The following LDLRAD4 variants were observed in gnomAD, a reference collection of about 807,000 sequenced individuals.
The protein encoded by LDLRAD4 is low density lipoprotein receptor class A domain containing 4.
LDLRAD4 carries 5 observed loss-of-function variants against 17.0 expected under a neutral mutation model. The observed-to-expected ratio is 0.29, with a 90% CI of 0.15 to 0.62. The LOEUF (loss-of-function observed/expected upper bound fraction) is 0.62, where lower values mean the gene tolerates loss of function less well. Ranked by LOEUF, LDLRAD4 falls within the 20% of genes least tolerant of loss-of-function variation. LDLRAD4 has a pLI of 0.84. For synonymous variants in LDLRAD4, 168 were observed against 171.8 expected (o/e 0.98, Z 0.17); for missense variants, 340 against 424.7 (o/e 0.80, Z 1.75).
At position 13,645,082 on chromosome 18, in the gene LDLRAD4, C is replaced by G. The variant is rs1459213335; in HGVS notation, c.391-45C>G. On this transcript the variant is annotated intron_variant, in intron 5 of 5. Coordinates refer to ENST00000359446, the Ensembl canonical transcript of LDLRAD4. This position sits in a 1 kb window ranked among gnomAD's most constrained non-coding sequence, Gnocchi z 5.7. ...TTGATTCTGACACATTTATGGTCAT[C>G]ATTGCGCTCAAACTGTCTTCAAGCC... The G allele has an allele frequency of 6.6e-7, 1 of 1,507,752 alleles. No homozygotes were observed. The highest frequency in any genetic ancestry group is 9.0e-7 in the Non-Finnish European group (1 of 1,110,290). The allele number at this position is 1,507,752 out of a possible 1,614,324, so 93.4% of individuals were successfully genotyped here.
intron 3 of LDLRAD4, among the ~76,000 whole-genome samples, chr18:13,496,752 C>G (rs2093478447): frequency 6.6e-6 from 1 of 151,962 alleles, no homozygotes; most frequent in Admixed American, 6.6e-5. Flanking sequence ...GGTGTGATTT[C>G]AAGGTTTGTG....
At chr18:13,292,109 C>A (rs2045995905) in intron 1 of LDLRAD4, among the ~76,000 whole-genome samples, 2 of 152,188 alleles carry the variant, frequency 1.3e-5, no homozygotes, top group Non-Finnish European at 2.9e-5. Flanking sequence ...TCAGAAGTTC[C>A]CTGGCCTCTA....
intron 2 of LDLRAD4, among the ~76,000 whole-genome samples, chr18:13,417,526 G>T (rs928344743): frequency 6.6e-6 from 1 of 150,778 alleles, no homozygotes; most frequent in Non-Finnish European, 1.5e-5. Context: ...TCTGCCTCCC[G>T]GGTTCACGCC....
intron 3 of LDLRAD4, among the ~76,000 whole-genome samples, chr18:13,474,942 A>G (rs1411456842): frequency 1.3e-5 from 2 of 152,122 alleles, no homozygotes; most frequent in African/African-American, 4.8e-5. Flanking sequence ...ATCTGGGGTT[A>G]AGATGGTTTA....
chr18:13,300,438 C>T lies in LDLRAD4; in HGVS notation c.-383+22250C>T, dbSNP rs10468688. Among the ~76,000 whole-genome samples the T allele has an allele frequency of 7.6e-3, 1,162 of 152,318 alleles. 21 individuals are homozygous for T. Among genetic ancestry groups the T allele is most frequent in the African/African-American group, 0.026 (1,098 of 41,580 alleles). ...TTTTTTCCCAAGGACATGACATTCGCGGGGTCAGCCATGACTGCTGCCCCA... is the reference window on the plus strand; with the variant it reads ...TTTTTTCCCAAGGACATGACATTCGTGGGGTCAGCCATGACTGCTGCCCCA... On this transcript the variant is annotated intron_variant, in intron 1 of 5. Transcript: ENST00000359446. This position sits in a 1 kb window ranked among gnomAD's most constrained non-coding sequence, Gnocchi z 4.2.
chr18:13,448,356 C>G (rs1219684479), intron 3 of LDLRAD4, among the ~76,000 whole-genome samples: 1 of 152,124 alleles, frequency 6.6e-6, no homozygotes, highest in African/African-American at 2.4e-5. Context: ...TAGAGGCTTA[C>G]CAGGCTTGCT....
intron 1 of LDLRAD4, among the ~76,000 whole-genome samples, chr18:13,293,284 G>A (rs899316783): frequency 2.6e-5 from 4 of 152,198 alleles, no homozygotes; most frequent in African/African-American, 9.7e-5. Context: ...GGTTGCTGCT[G>A]TGACGTTTTG....
chr18:13,408,414 G>A (rs1162177985), intron 2 of LDLRAD4, among the ~76,000 whole-genome samples: 2 of 151,482 alleles, frequency 1.3e-5, no homozygotes, highest in Non-Finnish European at 2.9e-5. Context: ...TAGAGTAGTA[G>A]GGTGTGAGCC....
rs150977377 is a variant in LDLRAD4 at position 13,418,086 on chromosome 18, C to T, written c.41-20158C>T. On this transcript the variant is annotated intron_variant, in intron 2 of 5. Transcript: ENST00000359446. The stretch of plus-strand genomic sequence containing the variant: ...TTAAGGTGCTCAGCAGCACTGCACC[C>T]GCACTGAGCCCTGGAGCTCCCGCTC... 3.4e-3 allele frequency among the ~76,000 whole-genome samples: 513 copies of T among 152,312 alleles called. 1 individual carries two copies. The highest frequency in any genetic ancestry group is 0.012 in the African/African-American group (493 of 41,556).
chr18:13,425,420 T>A (rs2089847253), intron 2 of LDLRAD4, among the ~76,000 whole-genome samples: 1 of 152,246 alleles, frequency 6.6e-6, no homozygotes. Context: ...TTATTCTTGC[T>A]GTTTTATGCA....
At chr18:13,476,391 G>A (rs140298406) in intron 3 of LDLRAD4, among the ~76,000 whole-genome samples, 40 of 152,234 alleles carry the variant, frequency 2.6e-4, no homozygotes, top group African/African-American at 9.4e-4. Context: ...TTGGGAGGCT[G>A]AGGCAGGAGG....
chr18:13,583,161 C>T (rs948729656), intron 3 of LDLRAD4, among the ~76,000 whole-genome samples: 3 of 152,148 alleles, frequency 2.0e-5, no homozygotes, highest in African/African-American at 7.2e-5. Flanking sequence ...CCACAGTGGA[C>T]TAGATGCTAT....
At chr18:13,375,949 C>T (rs2084876142) in intron 1 of LDLRAD4, among the ~76,000 whole-genome samples, 1 of 152,092 alleles carries the variant, frequency 6.6e-6, no homozygotes, top group Non-Finnish European at 1.5e-5. Context: ...TGGTGATTGC[C>T]TGGGGTATTG....
chr18:13,301,624 G>A (rs1237890192), intron 1 of LDLRAD4, among the ~76,000 whole-genome samples: 1 of 151,728 alleles, frequency 6.6e-6, no homozygotes, highest in East Asian at 1.9e-4. Flanking sequence ...GGCACAAAAC[G>A]ACCACGTTTC....
intron 1 of LDLRAD4, among the ~76,000 whole-genome samples, chr18:13,230,556 T>G (rs982701167): frequency 2.0e-5 from 3 of 152,014 alleles, no homozygotes; most frequent in African/African-American, 7.3e-5. Context: ...CTTAGACATT[T>G]TTGCTTGTAG....
At chr18:13,467,973 T>A (rs890769202) in intron 3 of LDLRAD4, among the ~76,000 whole-genome samples, 2 of 152,186 alleles carry the variant, frequency 1.3e-5, no homozygotes, top group Non-Finnish European at 2.9e-5. Flanking sequence ...TCATATCAGG[T>A]ACAAAAATTA....
chr18:13,245,643 G>T (rs1039207039), intron 1 of LDLRAD4, among the ~76,000 whole-genome samples: 3 of 152,206 alleles, frequency 2.0e-5, no homozygotes, highest in Non-Finnish European at 2.9e-5. Context: ...TGGAAAGCAG[G>T]GTTTCTCCAG....
At chr18:13,505,601 C>CA (rs2093677270) in intron 3 of LDLRAD4, among the ~76,000 whole-genome samples, 1 of 152,126 alleles carries the variant, frequency 6.6e-6, no homozygotes, top group African/African-American at 2.4e-5. Flanking sequence ...GGGCGGATCA[C>CA]AAGGTCAGGA....
At chr18:13,559,923 G>A (rs538096309) in intron 3 of LDLRAD4, among the ~76,000 whole-genome samples, 1 of 152,008 alleles carries the variant, frequency 6.6e-6, no homozygotes, top group East Asian at 1.9e-4. Flanking sequence ...ACCAAGAAGT[G>A]CCTATCTTCA....
Sources: gnomAD v4.1 joint callset for allele counts (sites outside exome capture counted in the v4.1 genomes callset) on GRCh38, gnomAD v4.1.1 for gene constraint, Gnocchi (gnomAD v3.1) non-coding constraint, MANE v1.5 for transcripts, NCBI Gene and HGNC (gene_info 2026-07-23, HGNC 2026-07-21) for gene names.